The following WNK3 variants were observed in gnomAD, a reference collection of about 807,000 sequenced individuals.
WNK3 encodes the protein WNK lysine deficient protein kinase 3.
WNK3 carries 18 observed loss-of-function variants against 116.7 expected under a neutral mutation model. The ratio of observed to expected loss-of-function variants is 0.15; its 90% CI spans 0.11 to 0.23. WNK3 has a LOEUF of 0.23. WNK3 is among the 10% of genes least tolerant of loss of function. The pLI is 1.00. For synonymous variants in WNK3, 404 were observed against 469.4 expected, an observed-to-expected ratio of 0.86 and a Z score of 1.80; for missense variants, 993 against 1,323.8, an observed-to-expected ratio of 0.75 and a Z score of 3.88.
chrX:54,339,000 T>G (rs1557175950), intron 1 of WNK3, among the ~76,000 whole-genome samples: 2 of 81,982 alleles, frequency 2.4e-5, no homozygotes, highest in African/African-American at 4.8e-5. Context: ...AGACTCTGTC[T>G]CAAAAAAAAA....
chrX:54,286,700 G>C (rs937046545), intron 10 of WNK3, among the ~76,000 whole-genome samples: 1 of 110,296 alleles, frequency 9.1e-6, no homozygotes, highest in Non-Finnish European at 1.9e-5. Context: ...AACACTTGAA[G>C]TCAGGAGTGC....
Position 54,223,023 on chromosome X carries a change from G to A in WNK3, c.4870+5691C>T, listed in dbSNP as rs1219481075. 3.8e-5 allele frequency among the ~76,000 whole-genome samples: 4 copies of A among 104,076 alleles called. No individual in the cohort carries two copies. The East Asian group carries it at 8.9e-4, about 23-fold the overall frequency. 90.4% of individuals were successfully genotyped at this position (104,076 alleles called of 115,157 possible). A position where few individuals can be genotyped will look rare whatever the true frequency, so the allele number is the denominator to read the frequency against. ...GAAGGCAGGAATACGGAGAGTCAGAGGATGAGGAAAAAAAGAAAAAAATCG... is the reference window on the plus strand; with the variant it reads ...GAAGGCAGGAATACGGAGAGTCAGAAGATGAGGAAAAAAAGAAAAAAATCG... On this transcript the variant is annotated intron_variant, in intron 22 of 23. Coordinates refer to ENST00000354646, the Ensembl canonical transcript of WNK3.
At chrX:54,268,072 G>C (rs2068334870) in intron 10 of WNK3, among the ~76,000 whole-genome samples, 1 of 89,116 alleles carries the variant, frequency 1.1e-5, no homozygotes, top group African/African-American at 4.3e-5. Context: ...TAAGATATCT[G>C]AATGCGTGCA....
At chrX:54,212,295 T>C (rs1181458820) in intron 22 of WNK3, among the ~76,000 whole-genome samples, 10 of 111,361 alleles carry the variant, frequency 9.0e-5, no homozygotes, top group African/African-American at 2.9e-4. Flanking sequence ...AAGAATAAAC[T>C]TCAATGTATG....
chrX:54,332,031 AATAACCAACCATTTCCT>A (rs1366215050), intron 2 of WNK3, among the ~76,000 whole-genome samples: 4 of 111,853 alleles, frequency 3.6e-5, no homozygotes, highest in Non-Finnish European at 1.9e-5. Flanking sequence ...CCATGTGATC[AATAACCAACCATTTCCT>A]ATGGGCTGAC....
chrX:54,202,240 A>T, intron 22 of WNK3, 47 bp from the exon 23 acceptor site: 1 of 1,105,689 alleles, frequency 9.0e-7, no homozygotes, highest in Non-Finnish European at 1.2e-6. Context: ...AAAAAGAATT[A>T]AAACTGATAA....
intron 17 of WNK3, among the ~76,000 whole-genome samples, chrX:54,241,186 C>T (rs1192707635): frequency 3.6e-5 from 4 of 111,876 alleles, no homozygotes; most frequent in African/African-American, 1.3e-4. Context: ...AGCCCTCCTA[C>T]ATTTGGAGAC....
At chrX:54,310,505 G>A (rs1331343171) in intron 3 of WNK3, among the ~76,000 whole-genome samples, 2 of 110,171 alleles carry the variant, frequency 1.8e-5, no homozygotes, top group African/African-American at 6.6e-5. Flanking sequence ...CCATGATCAT[G>A]CCACTGCACC....
chrX:54,194,359 T>C (rs954126412), exon 24 of WNK3: 1 of 112,383 alleles, frequency 8.9e-6, no homozygotes, highest in African/African-American at 3.2e-5. Flanking sequence ...TGTTGAATGA[T>C]AGGCCATTGC....
At chrX:54,350,999 A>T (rs57109531) in intron 1 of WNK3, among the ~76,000 whole-genome samples, 5 of 106,263 alleles carry the variant, frequency 4.7e-5, no homozygotes, top group African/African-American at 1.9e-4. Flanking sequence ...TATTTGTGTT[A>T]AAAAAAAACC....
chrX:54,342,342 A>C (rs2069338382), intron 1 of WNK3, among the ~76,000 whole-genome samples: 1 of 110,665 alleles, frequency 9.0e-6, no homozygotes, highest in Non-Finnish European at 1.9e-5. Flanking sequence ...CAAGGTGGGC[A>C]ATCACCTGTG....
chrX:54,222,941 A>ATATATATATATATAT (rs59332285), intron 22 of WNK3, among the ~76,000 whole-genome samples: 22 of 84,069 alleles, frequency 2.6e-4, no homozygotes, highest in African/African-American at 1.4e-3. Flanking sequence ...TATATATATA[A>ATATATATATATATAT]AAAAAGACAC....
At chrX:54,279,069 AAAAT>A (rs1234031446) in intron 10 of WNK3, among the ~76,000 whole-genome samples, 3 of 110,350 alleles carry the variant, frequency 2.7e-5, no homozygotes, top group African/African-American at 6.6e-5. Flanking sequence ...ACTCCATCTC[AAAAT>A]AAATAAATAA....
chrX:54,225,625 A>G (rs2067826664), intron 22 of WNK3, among the ~76,000 whole-genome samples: 1 of 109,070 alleles, frequency 9.2e-6, no homozygotes, highest in South Asian at 3.9e-4. Flanking sequence ...TGTTTCAAAA[A>G]AAAAAAAAAA....
intron 22 of WNK3, among the ~76,000 whole-genome samples, chrX:54,216,042 G>A (rs1269248855): frequency 9.1e-6 from 1 of 110,117 alleles, no homozygotes; most frequent in African/African-American, 3.3e-5. Flanking sequence ...ATTAAGGGCG[G>A]TGCAAGATGT....
At chrX:54,340,073 C>T (rs1395729916) in intron 1 of WNK3, among the ~76,000 whole-genome samples, 1 of 110,629 alleles carries the variant, frequency 9.0e-6, no homozygotes, top group Non-Finnish European at 1.9e-5. Context: ...TCGCTTGAAC[C>T]TGGGAAGCAG....
rs782368347 is a variant in WNK3, at chrX:54,248,808, C to T, written c.3540G>A (p.Gln1180=). Reference sequence around the variant, plus strand: ...CATTGGACAGAAGCTTAGAGCCTGTCTGTTGGAAATTAGGGGATTGTACAG... The same window carrying T: ...CATTGGACAGAAGCTTAGAGCCTGTTTGTTGGAAATTAGGGGATTGTACAG... Residue 1180 remains glutamine, a synonymous_variant, in exon 17 of 24, where the codon CAG becomes CAA. Transcript: ENST00000354646. The T allele has an allele frequency of 1.3e-5, 16 of 1,211,679 alleles. No individual in the cohort carries two copies. In the South Asian group the frequency reaches 2.6e-4, roughly 20 times the overall value.
intron 1 of WNK3, among the ~76,000 whole-genome samples, chrX:54,357,059 C>G (rs1452169953): frequency 2.7e-5 from 3 of 110,715 alleles, no homozygotes; most frequent in African/African-American, 6.6e-5. Context: ...TCTCCTTGAG[C>G]CTAACACATT....
At chrX:54,316,039 G>A (rs1456903399) in intron 2 of WNK3, among the ~76,000 whole-genome samples, 1 of 111,417 alleles carries the variant, frequency 9.0e-6, no homozygotes, top group African/African-American at 3.3e-5. Flanking sequence ...TAGTCTTTTA[G>A]CTCTGCTCAC....
Sources: allele counts gnomAD v4.1 joint callset (sites outside exome capture counted in the v4.1 genomes callset), GRCh38; gene constraint gnomAD v4.1.1; transcripts MANE v1.5; gene names NCBI Gene and HGNC (gene_info 2026-07-23, HGNC 2026-07-21).